Variants in KIRREL3 observed in about 807,000 individuals in gnomAD.
KIRREL3 encodes the protein kirre like nephrin family adhesion molecule 3.
A neutral mutation model predicts 89.7 loss-of-function variants in KIRREL3; 36 were observed. That is an observed-to-expected ratio of 0.40 (90% CI 0.31 to 0.53). The LOEUF is 0.53. KIRREL3 is among the 20% of genes least tolerant of loss of function. KIRREL3 has a pLI of 0.49. For missense variants in KIRREL3, 864 were observed against 1,056.6 expected (o/e 0.82, Z 2.53); for synonymous variants, 445 against 441.4 (o/e 1.01, Z -0.10).
rs977757719 is a variant in KIRREL3, at chr11:126,516,550, T to C, written c.433+4765A>G. On this transcript the variant is annotated intron_variant, in intron 4 of 16. Coordinates refer to ENST00000525144, the MANE Select transcript of KIRREL3 (RefSeq NM_032531.4). The surrounding 1 kb of genome is among the most constrained non-coding windows in gnomAD (Gnocchi z 4.9). ...GATGGTTTTCTCTTTCGTTTCCTGA[T>C]GAATCCCACGTGTCTAGACTAGTGC... Among the ~76,000 whole-genome samples, 2 of 152,226 alleles carry C rather than the reference T, an allele frequency of 1.3e-5. No homozygotes were observed. Among genetic ancestry groups the C allele is most frequent in the Non-Finnish European group, 2.9e-5 (2 of 68,044 alleles).
chr11:126,980,448 G>A (rs1227923703), intron 1 of KIRREL3, among the ~76,000 whole-genome samples: 1 of 152,138 alleles, frequency 6.6e-6, no homozygotes, highest in Non-Finnish European at 1.5e-5. Context: ...GGTAGCCAGT[G>A]GGCTTGCTGA....
intron 1 of KIRREL3, among the ~76,000 whole-genome samples, chr11:126,644,594 G>T (rs928733727): frequency 2.0e-5 from 3 of 152,156 alleles, no homozygotes; most frequent in South Asian, 4.1e-4. Context: ...TGAAAGCCTG[G>T]TACTAAAATC....
Position 126,655,749 on chromosome 11 carries a change from C to T in KIRREL3, c.56-92837G>A, listed in dbSNP as rs987001919. Among the ~76,000 whole-genome samples the T allele has an allele frequency of 6.6e-6, 1 of 152,112 alleles. No homozygotes were observed. Among genetic ancestry groups the T allele is most frequent in the African/African-American group, 2.4e-5 (1 of 41,428 alleles). On this transcript the variant is annotated intron_variant, in intron 1 of 16. Transcript: ENST00000525144. The surrounding 1 kb of genome is among the most constrained non-coding windows in gnomAD (Gnocchi z 5.0). ...ACAGTCCTGGTGGCTTGGTCTTAGG[C>T]TTGTCTTGGCTCAGGTTTCTGTGTG...
intron 1 of KIRREL3, among the ~76,000 whole-genome samples, chr11:126,992,179 C>G (rs555618428): frequency 9.0e-4 from 137 of 152,316 alleles, no homozygotes; most frequent in African/African-American, 3.2e-3. Context: ...GAATGCATCA[C>G]CTACTCCCTA....
intron 1 of KIRREL3, among the ~76,000 whole-genome samples, chr11:126,850,515 C>T (rs767228547): frequency 8.5e-5 from 13 of 152,190 alleles, no homozygotes; most frequent in Non-Finnish European, 1.6e-4. Context: ...CCAACTCCTC[C>T]TCTATCCAAA....
chr11:126,478,513 GTGTA>G (rs1046173468), intron 4 of KIRREL3, among the ~76,000 whole-genome samples: 33 of 151,632 alleles, frequency 2.2e-4, no homozygotes, highest in African/African-American at 7.6e-4. Flanking sequence ...TCTTGTGTGT[GTGTA>G]TGTGTGTGTG....
chr11:126,621,719 GA>G (rs1222822290), intron 1 of KIRREL3, among the ~76,000 whole-genome samples: 6 of 151,994 alleles, frequency 3.9e-5, no homozygotes, highest in African/African-American at 1.5e-4. Context: ...AGTTTTACTA[GA>G]ACATTGTTTT....
chr11:126,767,283 C>T (rs568437640), intron 1 of KIRREL3, among the ~76,000 whole-genome samples: 1 of 152,196 alleles, frequency 6.6e-6, no homozygotes, highest in Non-Finnish European at 1.5e-5. Context: ...CCAAATCTGA[C>T]AGGAGGGAGC....
chr11:126,465,487 C>T (rs1365186374), intron 5 of KIRREL3, among the ~76,000 whole-genome samples: 1 of 152,190 alleles, frequency 6.6e-6, no homozygotes, highest in African/African-American at 2.4e-5. Context: ...CAGGGAGAAA[C>T]CTGTAAGCTC....
At chr11:126,507,053 A>G (rs955701949) in intron 4 of KIRREL3, among the ~76,000 whole-genome samples, 2 of 152,250 alleles carry the variant, frequency 1.3e-5, no homozygotes, top group South Asian at 2.1e-4. Flanking sequence ...AGTGAACTAC[A>G]GATACATGCT....
chr11:126,700,720 C>T (rs1004365296), intron 1 of KIRREL3, among the ~76,000 whole-genome samples: 1 of 152,154 alleles, frequency 6.6e-6, no homozygotes, highest in Non-Finnish European at 1.5e-5. Flanking sequence ...AGACTCATCC[C>T]GCTATTCAGC....
intron 1 of KIRREL3, among the ~76,000 whole-genome samples, chr11:126,922,805 G>C (rs2134990069): frequency 6.6e-6 from 1 of 152,198 alleles, no homozygotes; most frequent in South Asian, 2.1e-4. Flanking sequence ...TCAATACCAA[G>C]CCCCTTGAAA....
chr11:126,673,175 A>G (rs963860039), intron 1 of KIRREL3, among the ~76,000 whole-genome samples: 1 of 152,258 alleles, frequency 6.6e-6, no homozygotes, highest in African/African-American at 2.4e-5. Flanking sequence ...TACACCTGCA[A>G]AGACGCAGGA....
In KIRREL3 at chr11:126,652,078, G is replaced by A. The variant is rs1184079108; in HGVS notation, c.56-89166C>T. 6.6e-6 allele frequency among the ~76,000 whole-genome samples: 1 copy of A among 152,160 alleles called. No homozygotes were observed. The highest frequency in any genetic ancestry group is 1.9e-4 in the East Asian group (1 of 5,196). ...GAAATGGTGAGGGCTCATCAATTCT[G>A]GGCCAGGAGGAAGATAGGCACTAGT... On this transcript the variant is annotated intron_variant, in intron 1 of 16. Transcript: ENST00000525144. The surrounding 1 kb of genome is among the most constrained non-coding windows in gnomAD (Gnocchi z 4.9).
In KIRREL3 at chr11:126,579,424, T is replaced by G. The variant is rs1342314747; in HGVS notation, c.56-16512A>C. Reference sequence around the variant, plus strand: ...TGAGCTTTTAGCCCTCTGATTTACTTATTAGATTTCTACTGTGCCTTTTCT... The same window carrying G: ...TGAGCTTTTAGCCCTCTGATTTACTGATTAGATTTCTACTGTGCCTTTTCT... On this transcript the variant is annotated intron_variant, in intron 1 of 16. Transcript: ENST00000525144. This position sits in a 1 kb window ranked among gnomAD's most constrained non-coding sequence, Gnocchi z 5.3. 6.6e-6 allele frequency among the ~76,000 whole-genome samples: 1 copy of G among 152,132 alleles called. No homozygotes were observed. The highest frequency in any genetic ancestry group is 2.4e-5 in the African/African-American group (1 of 41,426).
chr11:126,594,640 C>T lies in KIRREL3; in HGVS notation c.56-31728G>A, dbSNP rs575418307. Among the ~76,000 whole-genome samples, 1 of 152,230 alleles carries T rather than the reference C, an allele frequency of 6.6e-6. No homozygotes were observed. The highest frequency in any genetic ancestry group is 6.5e-5 in the Admixed American group (1 of 15,282). ...CTCATGAGTGGTGCCTTTAAGAGTG[C>T]AATGAGGCCGCAGCAGAAACTATCT... is the stretch of plus-strand genomic sequence containing the variant. On this transcript the variant is annotated intron_variant, in intron 1 of 16. Coordinates refer to ENST00000525144, the MANE Select transcript of KIRREL3 (RefSeq NM_032531.4). This position sits in a 1 kb window ranked among gnomAD's most constrained non-coding sequence, Gnocchi z 5.0.
chr11:126,673,842 C>G (rs1371649319), intron 1 of KIRREL3, among the ~76,000 whole-genome samples: 3 of 152,222 alleles, frequency 2.0e-5, no homozygotes, highest in Non-Finnish European at 4.4e-5. Context: ...TTCCTCCCTC[C>G]ACATTTGGGT....
At chr11:126,466,922 C>T (rs1055704626) in intron 5 of KIRREL3, among the ~76,000 whole-genome samples, 10 of 152,320 alleles carry the variant, frequency 6.6e-5, no homozygotes, top group Middle Eastern at 3.4e-3. Context: ...AGGCCTCCCT[C>T]CAGTGTGGTG....
chr11:126,445,833 G>A (rs956267526), intron 9 of KIRREL3, among the ~76,000 whole-genome samples: 1 of 152,070 alleles, frequency 6.6e-6, no homozygotes, highest in Non-Finnish European at 1.5e-5. Context: ...CTTATGCACT[G>A]AAGAATATAT....
Sources: allele counts gnomAD v4.1 joint callset (sites outside exome capture counted in the v4.1 genomes callset), GRCh38; gene constraint gnomAD v4.1.1; non-coding constraint Gnocchi (gnomAD v3.1); transcripts MANE v1.5; gene names NCBI Gene and HGNC (gene_info 2026-07-23, HGNC 2026-07-21).